The following DPP6 variants were observed in gnomAD, a reference collection of about 807,000 sequenced individuals.
DPP6 encodes A-type potassium channel modulatory protein DPP6.
A neutral mutation model predicts 122.6 loss-of-function variants in DPP6; 69 were observed. The observed-to-expected ratio is 0.56, with a 90% CI of 0.46 to 0.69. The LOEUF is 0.69. Among genes scored for constraint, DPP6 ranks in the 30% least tolerant of loss-of-function variants. The probability of loss-of-function intolerance (pLI) is 0.00; values close to 1 mark genes in which losing one functional copy is unlikely to be tolerated. For missense variants in DPP6, 928 were observed against 1,116.9 expected, an observed-to-expected ratio of 0.83 and a Z score of 2.41; for synonymous variants, 418 against 433.1, an observed-to-expected ratio of 0.97 and a Z score of 0.43.
At position 154,723,468 on chromosome 7, in the gene DPP6, T is replaced by TA. The variant is rs3080669; in HGVS notation, c.763-4286dup. On this transcript the variant is annotated intron_variant, in intron 7 of 25. Transcript: ENST00000377770. Reference sequence around the variant, plus strand: ...TGTAGGCTTACAACACATTTATTTTTAAAAAAAAAAAAAGCTAAAACTTAG... The same window carrying TA: ...TGTAGGCTTACAACACATTTATTTTTAAAAAAAAAAAAAAGCTAAAACTTAG... Among the ~76,000 whole-genome samples the TA allele has an allele frequency of 7.7e-3, 1,143 of 149,116 alleles. 6 individuals are homozygous for TA. The highest frequency in any genetic ancestry group is 0.015 in the African/African-American group (605 of 40,616).
chr7:154,783,393 C>T (rs1395676462), intron 10 of DPP6, among the ~76,000 whole-genome samples: 1 of 152,082 alleles, frequency 6.6e-6, no homozygotes, highest in African/African-American at 2.4e-5. Flanking sequence ...ATGGTGGTGC[C>T]AATGATGTCC....
intron 1 of DPP6, among the ~76,000 whole-genome samples, chr7:154,083,050 T>C (rs1365747263): frequency 6.6e-6 from 1 of 151,834 alleles, no homozygotes; most frequent in Non-Finnish European, 1.5e-5. Flanking sequence ...GGGGTTTCGC[T>C]GTGTTAGCCA....
At chr7:154,761,897 A>C (rs909604317) in intron 8 of DPP6, among the ~76,000 whole-genome samples, 2 of 151,928 alleles carry the variant, frequency 1.3e-5, no homozygotes, top group Non-Finnish European at 2.9e-5. Context: ...CCCTGTGTCC[A>C]AGTGTCCTCA....
intron 5 of DPP6, among the ~76,000 whole-genome samples, chr7:154,612,955 G>T (rs1834003451): frequency 6.6e-6 from 1 of 152,172 alleles, no homozygotes; most frequent in Non-Finnish European, 1.5e-5. Context: ...TAAGATCTGG[G>T]TGCTGGCATG....
intron 1 of DPP6, among the ~76,000 whole-genome samples, chr7:153,913,304 C>G (rs1448624187): frequency 6.6e-6 from 1 of 152,104 alleles, no homozygotes; most frequent in Non-Finnish European, 1.5e-5. Flanking sequence ...AAACTCCTGA[C>G]CTCAAGTCAT....
At chr7:154,409,900 C>T (rs555742367) in intron 1 of DPP6, among the ~76,000 whole-genome samples, 184 of 152,316 alleles carry the variant, frequency 1.2e-3, no homozygotes, top group African/African-American at 4.1e-3. Flanking sequence ...GAAGCCCAGT[C>T]GCTCTCCAAG....
intron 1 of DPP6, among the ~76,000 whole-genome samples, chr7:154,137,934 T>C (rs189644884): frequency 2.0e-4 from 31 of 152,290 alleles, no homozygotes; most frequent in Non-Finnish European, 4.3e-4. Flanking sequence ...CTCATAAGAA[T>C]ACACTGATGT....
Position 154,209,552 on chromosome 7 carries a change from AAAAC to A in DPP6, c.243+156493_243+156496del, listed in dbSNP as rs1316505589. Among the ~76,000 whole-genome samples, 28 of 101,840 alleles carry A rather than the reference AAAAC, an allele frequency of 2.7e-4. 3 individuals are homozygous for A. Among genetic ancestry groups the A allele is most frequent in the Non-Finnish European group, 3.4e-4 (13 of 38,608 alleles). The allele number at this position is 101,840 out of a possible 152,430, so 66.8% of individuals were successfully genotyped here. A position where few individuals can be genotyped will look rare whatever the true frequency, so the allele number is the denominator to read the frequency against. Reference sequence around the variant, plus strand: ...GTGAACAAGTTGAAGTTAAAAAAAAAAAACAAAAAACCTTTCTTCAGCTGCGACT... The same window carrying A: ...GTGAACAAGTTGAAGTTAAAAAAAAAAAAAAACCTTTCTTCAGCTGCGACT... On this transcript the variant is annotated intron_variant, in intron 1 of 25. Transcript: ENST00000377770.
At chr7:154,482,145 C>T (rs966894503) in intron 3 of DPP6, among the ~76,000 whole-genome samples, 2 of 152,200 alleles carry the variant, frequency 1.3e-5, no homozygotes, top group Admixed American at 6.5e-5. Flanking sequence ...GGGGGAAAGC[C>T]TTCCAGGCAG....
At chr7:154,074,135 ATCTC>A (rs1423683730) in intron 1 of DPP6, among the ~76,000 whole-genome samples, 546 of 147,658 alleles carry the variant, frequency 3.7e-3, no homozygotes, top group East Asian at 5.0e-3. Flanking sequence ...ATCTATATAT[ATCTC>A]TCTATATATG....
At chr7:154,418,809 C>T (rs1421281036) in intron 1 of DPP6, among the ~76,000 whole-genome samples, 1 of 152,094 alleles carries the variant, frequency 6.6e-6, no homozygotes, top group African/African-American at 2.4e-5. Context: ...GTATCTCTAC[C>T]ATCAACTAAA....
At chr7:154,826,859 A>G (rs183870869) in intron 16 of DPP6, among the ~76,000 whole-genome samples, 1 of 152,324 alleles carries the variant, frequency 6.6e-6, no homozygotes, top group African/African-American at 2.4e-5. Context: ...TTTCACTTTC[A>G]TTAATTTTCT....
At position 154,587,639 on chromosome 7, in the gene DPP6, C is replaced by T. The variant is rs181527514; in HGVS notation, c.627+20723C>T. 6.5e-6 allele frequency: 10 copies of T among 1,540,452 alleles called. No individual in the cohort carries two copies. The Admixed American group carries it at 1.8e-4, about 27-fold the overall frequency. On this transcript the variant is annotated intron_variant, in intron 5 of 25. Coordinates refer to ENST00000377770, the MANE Select transcript of DPP6 (RefSeq NM_130797.4). Reference sequence around the variant, plus strand: ...TTTCTAAAATGATTCTGCCCATCTCCCACTTTACAGATGAAGAAAGTGAAG... The same window carrying T: ...TTTCTAAAATGATTCTGCCCATCTCTCACTTTACAGATGAAGAAAGTGAAG...
At chr7:154,641,408 A>G (rs1293071736) in intron 6 of DPP6, among the ~76,000 whole-genome samples, 1 of 152,228 alleles carries the variant, frequency 6.6e-6, no homozygotes, top group East Asian at 1.9e-4. Context: ...AGAAGTTTTT[A>G]TATCAGAATT....
chr7:154,494,021 G>A (rs1473216538), intron 3 of DPP6, among the ~76,000 whole-genome samples: 6 of 152,166 alleles, frequency 3.9e-5, no homozygotes, highest in Non-Finnish European at 7.3e-5. Flanking sequence ...GAAAGCTCAT[G>A]GAAACTAGAA....
intron 1 of DPP6, among the ~76,000 whole-genome samples, chr7:153,941,802 G>A (rs1040455156): frequency 1.3e-5 from 2 of 152,148 alleles, no homozygotes; most frequent in Admixed American, 6.5e-5. Context: ...ATAATCAGAG[G>A]AGTTTTCAGA....
At chr7:154,531,871 TA>T (rs1227482777) in intron 3 of DPP6, among the ~76,000 whole-genome samples, 8 of 152,098 alleles carry the variant, frequency 5.3e-5, no homozygotes, top group Non-Finnish European at 1.0e-4. Context: ...GTATATATTA[TA>T]ACTTCTAAGA....
chr7:154,322,617 A>G (rs911054193), intron 1 of DPP6, among the ~76,000 whole-genome samples: 13 of 152,176 alleles, frequency 8.5e-5, no homozygotes, highest in Non-Finnish European at 1.6e-4. Context: ...CGGGGGAAAT[A>G]AGAGTAGATT....
At chr7:154,303,940 A>G (rs1354531161) in intron 1 of DPP6, among the ~76,000 whole-genome samples, 2 of 152,184 alleles carry the variant, frequency 1.3e-5, no homozygotes, top group Non-Finnish European at 2.9e-5. Flanking sequence ...AGTGCTGGGC[A>G]TTGGAAAGGG....
Sources: gnomAD v4.1 joint callset for allele counts (sites outside exome capture counted in the v4.1 genomes callset) on GRCh38, gnomAD v4.1.1 for gene constraint, MANE v1.5 for transcripts, NCBI Gene and HGNC (gene_info 2026-07-23, HGNC 2026-07-21) for gene names.